CSMD1: variants seen among roughly 807,000 people sequenced by gnomAD.
CSMD1 encodes CUB and sushi domain-containing protein 1.
A neutral mutation model predicts 417.5 loss-of-function variants in CSMD1; 213 were observed. The ratio of observed to expected loss-of-function variants is 0.51; its 90% CI spans 0.46 to 0.57. CSMD1 has a LOEUF of 0.57. Ranked by LOEUF, CSMD1 falls within the 20% of genes least tolerant of loss-of-function variation. The pLI is 0.00. For synonymous variants in CSMD1, 2,862 were observed against 1,736.8 expected, an observed-to-expected ratio of 1.65 and a Z score of -16.11; for missense variants, 6,923 against 4,529.7, an observed-to-expected ratio of 1.53 and a Z score of -15.17.
intron 8 of CSMD1, among the ~76,000 whole-genome samples, chr8:3,590,953 G>A (rs1326186151): frequency 6.6e-6 from 1 of 152,124 alleles, no homozygotes; most frequent in Non-Finnish European, 1.5e-5. Context: ...TACTATATTT[G>A]AAGTAATATA....
At chr8:3,258,134 A>T (rs1221258669) in intron 26 of CSMD1, among the ~76,000 whole-genome samples, 1 of 152,180 alleles carries the variant, frequency 6.6e-6, no homozygotes, top group African/African-American at 2.4e-5. Context: ...GAAAGACAGA[A>T]TATGAGAATG....
In CSMD1 at chr8:4,788,359, G is replaced by A. The variant is rs553474136; in HGVS notation, c.86-150801C>T. ...AACACTGCATATCCAGTTATCACCTGTCCTCCCCTCACACCAGACTGGGGA... is the reference window on the plus strand; with the variant it reads ...AACACTGCATATCCAGTTATCACCTATCCTCCCCTCACACCAGACTGGGGA... On this transcript the variant is annotated intron_variant, in intron 1 of 69. Coordinates refer to ENST00000635120, the MANE Select transcript of CSMD1 (RefSeq NM_033225.6). 3.5e-5 allele frequency: 52 copies of A among 1,488,478 alleles called. No individual in the cohort carries two copies. The African/African-American group carries it at 4.3e-4, about 12-fold the overall frequency. The allele number at this position is 1,488,478 out of a possible 1,614,324, so 92.2% of individuals were successfully genotyped here. A position where few individuals can be genotyped will look rare whatever the true frequency, so the allele number is the denominator to read the frequency against.
chr8:3,013,497 TC>T (rs1808578581), intron 52 of CSMD1, among the ~76,000 whole-genome samples: 2 of 152,214 alleles, frequency 1.3e-5, no homozygotes, highest in Admixed American at 6.5e-5. Flanking sequence ...ACGCCTGTAA[TC>T]CCAGCACTTT....
intron 8 of CSMD1, among the ~76,000 whole-genome samples, chr8:3,614,496 C>G (rs559107223): frequency 6.6e-6 from 1 of 152,164 alleles, no homozygotes; most frequent in African/African-American, 2.4e-5. Flanking sequence ...CCATGATTGC[C>G]CATGTGCTAA....
At chr8:3,622,296 A>G (rs781227528) in intron 7 of CSMD1, among the ~76,000 whole-genome samples, 42 of 152,224 alleles carry the variant, frequency 2.8e-4, no homozygotes, top group Non-Finnish European at 4.7e-4. Context: ...GTGGCAAATT[A>G]AAACAGCTTC....
At chr8:3,199,651 G>A in intron 33 of CSMD1, 63 bp downstream of exon 33, 1 of 1,063,126 alleles carries the variant, frequency 9.4e-7, no homozygotes, top group South Asian at 1.8e-5. Flanking sequence ...TCTGAGACTA[G>A]CCGTGGGTGC....
intron 5 of CSMD1, among the ~76,000 whole-genome samples, chr8:3,890,968 T>A (rs1205428938): frequency 1.3e-5 from 2 of 152,110 alleles, no homozygotes; most frequent in Non-Finnish European, 2.9e-5. Flanking sequence ...CAATAACCTG[T>A]GAAATGGATG....
chr8:3,964,646 A>C (rs144237164), intron 5 of CSMD1, among the ~76,000 whole-genome samples: 2 of 152,208 alleles, frequency 1.3e-5, no homozygotes, highest in Admixed American at 6.5e-5. Flanking sequence ...TAAATTTGCT[A>C]TTCAAGTTGA....
At chr8:4,041,112 G>C (rs551595656) in intron 3 of CSMD1, among the ~76,000 whole-genome samples, 1 of 149,704 alleles carries the variant, frequency 6.7e-6, no homozygotes, top group African/African-American at 2.5e-5. Flanking sequence ...CGCCTCCCGG[G>C]TTCCCGCCAT....
At chr8:3,669,368 G>C (rs1798867876) in intron 7 of CSMD1, among the ~76,000 whole-genome samples, 1 of 152,082 alleles carries the variant, frequency 6.6e-6, no homozygotes, top group African/African-American at 2.4e-5. Context: ...TGGGCGGGAG[G>C]GTCCAAGGCC....
chr8:4,653,232 A>G (rs560214448), intron 1 of CSMD1, among the ~76,000 whole-genome samples: 3 of 152,254 alleles, frequency 2.0e-5, no homozygotes, highest in South Asian at 2.1e-4. Flanking sequence ...CTTTTCATCT[A>G]TACAAATCGG....
chr8:3,819,231 T>G (rs1219159287), intron 5 of CSMD1, among the ~76,000 whole-genome samples: 1 of 152,138 alleles, frequency 6.6e-6, no homozygotes, highest in Non-Finnish European at 1.5e-5. Context: ...CTCTTTGGGC[T>G]GTGTAGTCAA....
chr8:4,222,033 C>G (rs1404051862), intron 3 of CSMD1, among the ~76,000 whole-genome samples: 2 of 105,856 alleles, frequency 1.9e-5, no homozygotes, highest in African/African-American at 7.3e-5. Context: ...TTTTAGTTCT[C>G]TAGAGTATGA....
chr8:4,383,262 C>T (rs77643945), intron 3 of CSMD1, among the ~76,000 whole-genome samples: 12,655 of 152,152 alleles, frequency 0.083, 694 homozygotes, highest in South Asian at 0.19. Flanking sequence ...TTGTCTAGTA[C>T]AGTTTGTATT....
At chr8:3,547,087 A>G (rs116361330) in intron 10 of CSMD1, among the ~76,000 whole-genome samples, 2 of 152,058 alleles carry the variant, frequency 1.3e-5, no homozygotes, top group African/African-American at 2.4e-5. Flanking sequence ...CAGCAGGACC[A>G]ATAACGTGGG....
intron 5 of CSMD1, among the ~76,000 whole-genome samples, chr8:3,898,387 G>C (rs890934146): frequency 3.9e-5 from 6 of 152,154 alleles, no homozygotes; most frequent in Admixed American, 1.3e-4. Context: ...TGGGGAGAAA[G>C]AAAAGTTACT....
At chr8:3,511,325 C>T (rs902644948) in intron 10 of CSMD1, among the ~76,000 whole-genome samples, 1 of 151,434 alleles carries the variant, frequency 6.6e-6, no homozygotes, top group African/African-American at 2.4e-5. Context: ...CATGTGTATA[C>T]CTATGTAACA....
chr8:3,391,256 T>A (rs1341022230), intron 17 of CSMD1, among the ~76,000 whole-genome samples: 1 of 152,234 alleles, frequency 6.6e-6, no homozygotes, highest in Non-Finnish European at 1.5e-5. Flanking sequence ...AATAACATGA[T>A]ATATCAATCA....
At chr8:3,664,882 C>T (rs17397749) in intron 7 of CSMD1, among the ~76,000 whole-genome samples, 23,272 of 152,162 alleles carry the variant, frequency 0.15, 2,033 homozygotes, top group South Asian at 0.22. Context: ...AGAATTTCAA[C>T]GTCACAAATT....
Sources: allele counts gnomAD v4.1 joint callset (sites outside exome capture counted in the v4.1 genomes callset), GRCh38; gene constraint gnomAD v4.1.1; transcripts MANE v1.5; gene names NCBI Gene and HGNC (gene_info 2026-07-23, HGNC 2026-07-21).